The following SNX7 variants were observed in gnomAD, a reference collection of about 807,000 sequenced individuals.
The protein encoded by SNX7 is sorting nexin-7.
In SNX7, 35 loss-of-function variants were observed where a neutral mutation model predicts 48.4. That is an observed-to-expected ratio of 0.72 (90% CI 0.55 to 0.96). The LOEUF (loss-of-function observed/expected upper bound fraction) is 0.96, where lower values mean the gene tolerates loss of function less well. SNX7 is among the 40% of genes least tolerant of loss of function. SNX7 has a pLI of 0.00. For synonymous variants in SNX7, 190 were observed against 190.2 expected, an observed-to-expected ratio of 1.00 and a Z score of 0.01; for missense variants, 553 against 548.9, an observed-to-expected ratio of 1.01 and a Z score of -0.07.
intron 1 of SNX7, 57 bp downstream of exon 1, chr1:98,661,968 A>G (rs1464172038): frequency 8.1e-7 from 1 of 1,241,070 alleles, no homozygotes; most frequent in Non-Finnish European, 1.0e-6. Flanking sequence ...GGGCGTTGCC[A>G]GCATTGCGCC....
intron 1 of SNX7, among the ~76,000 whole-genome samples, chr1:98,669,517 C>T (rs1352603428): frequency 6.6e-6 from 1 of 152,210 alleles, no homozygotes; most frequent in African/African-American, 2.4e-5. Context: ...ACTCTCTTTC[C>T]TGGAGAGCCT....
At chr1:98,739,166 T>C (rs1653943473) in intron 8 of SNX7, among the ~76,000 whole-genome samples, 1 of 152,066 alleles carries the variant, frequency 6.6e-6, no homozygotes, top group Non-Finnish European at 1.5e-5. Flanking sequence ...TTAGATCCCT[T>C]ACATGCGCAG....
chr1:98,714,777 C>T (rs1008661201), intron 7 of SNX7, among the ~76,000 whole-genome samples: 1 of 152,166 alleles, frequency 6.6e-6, no homozygotes, highest in African/African-American at 2.4e-5. Context: ...AGGCGCAGCA[C>T]TATGGCATGA....
chr1:98,714,284 T>G (rs995354921), intron 7 of SNX7, among the ~76,000 whole-genome samples: 1 of 152,182 alleles, frequency 6.6e-6, no homozygotes, highest in Non-Finnish European at 1.5e-5. Context: ...GGCACTATGC[T>G]AAGCATTCAC....
At chr1:98,682,544 T>C (rs1292972404) in intron 1 of SNX7, among the ~76,000 whole-genome samples, 1 of 152,222 alleles carries the variant, frequency 6.6e-6, no homozygotes, top group East Asian at 1.9e-4. Context: ...TGCCTGGATA[T>C]GTATAATTCT....
intron 1 of SNX7, among the ~76,000 whole-genome samples, chr1:98,672,949 A>AAAAG (rs1325558656): frequency 7.2e-6 from 1 of 139,728 alleles, no homozygotes; most frequent in Non-Finnish European, 1.6e-5. Context: ...AAAAAAAAAA[A>AAAAG]AAAGAAATTA....
intron 1 of SNX7, among the ~76,000 whole-genome samples, chr1:98,668,403 A>C (rs1649659963): frequency 6.6e-6 from 1 of 152,234 alleles, no homozygotes; most frequent in Non-Finnish European, 1.5e-5. Flanking sequence ...TTGATGTCAA[A>C]AAATGGCAGA....
chr1:98,695,807 G>A (rs1419111608), intron 5 of SNX7, 91 bp downstream of exon 5: 1 of 919,288 alleles, frequency 1.1e-6, no homozygotes, highest in Admixed American at 1.9e-5. Flanking sequence ...CATTCAGTTA[G>A]AATGTCAGCT....
chr1:98,759,336 A>G (rs1655006225), intron 8 of SNX7, among the ~76,000 whole-genome samples: 1 of 152,036 alleles, frequency 6.6e-6, no homozygotes, highest in Non-Finnish European at 1.5e-5. Context: ...CTGTAGATAA[A>G]CTTCATACAG....
chr1:98,701,382 T>G (rs1358974741), intron 6 of SNX7, among the ~76,000 whole-genome samples: 2 of 152,146 alleles, frequency 1.3e-5, no homozygotes, highest in African/African-American at 4.8e-5. Flanking sequence ...TCCTTTGGAG[T>G]CAGGTAAGAA....
intron 1 of SNX7, among the ~76,000 whole-genome samples, chr1:98,676,048 C>A (rs1222631569): frequency 6.6e-6 from 1 of 151,804 alleles, no homozygotes; most frequent in Non-Finnish European, 1.5e-5. Context: ...ATATTAAACC[C>A]AACAGCAATC....
chr1:98,717,514 C>T (rs1164736699), intron 7 of SNX7, among the ~76,000 whole-genome samples: 2 of 152,082 alleles, frequency 1.3e-5, no homozygotes, highest in Non-Finnish European at 2.9e-5. Flanking sequence ...TTGCAGAAAC[C>T]GCTATATCTA....
intron 5 of SNX7, among the ~76,000 whole-genome samples, chr1:98,696,433 T>A (rs573699660): frequency 6.6e-6 from 1 of 152,104 alleles, no homozygotes; most frequent in Non-Finnish European, 1.5e-5. Flanking sequence ...GGGAAATATC[T>A]TATTTCTAGT....
chr1:98,716,677 T>G (rs1214005294), intron 7 of SNX7, among the ~76,000 whole-genome samples: 1 of 152,260 alleles, frequency 6.6e-6, no homozygotes, highest in East Asian at 1.9e-4. Flanking sequence ...GCCAGAGTTG[T>G]AACCTAACTC....
At position 98,685,955 on chromosome 1, in the gene SNX7, G is replaced by T. The variant is rs368110782; in HGVS notation, c.363+888G>T. 2.0e-5 allele frequency among the ~76,000 whole-genome samples: 3 copies of T among 152,196 alleles called. No individual in the cohort carries two copies. The East Asian group carries it at 5.8e-4, about 29-fold the overall frequency. On this transcript the variant is annotated intron_variant, in intron 2 of 8. Coordinates refer to ENST00000306121, the MANE Select transcript of SNX7 (RefSeq NM_015976.5). ...ACATATAAAGAGGCTTCTCAGTCTG[G>T]TGCCCACTTACCATATAAGACTTAT...
chr1:98,713,603 G>C (rs1398069291), intron 7 of SNX7, among the ~76,000 whole-genome samples: 1 of 152,132 alleles, frequency 6.6e-6, no homozygotes, highest in Non-Finnish European at 1.5e-5. Flanking sequence ...TCCTCACTAA[G>C]TTTAATCATT....
At chr1:98,740,666 G>T (rs746608841) in intron 8 of SNX7, among the ~76,000 whole-genome samples, 3 of 151,886 alleles carry the variant, frequency 2.0e-5, no homozygotes, top group Non-Finnish European at 2.9e-5. Context: ...CTCATTGATT[G>T]AATTCAGTTT....
chr1:98,662,611 G>A, intron 1 of SNX7: 1 of 1,142,246 alleles, frequency 8.8e-7, no homozygotes, highest in Non-Finnish European at 1.1e-6. Context: ...TGACTTGTGG[G>A]GGCTAGTGGT....
At chr1:98,724,712 TAGAG>T (rs147920665) in intron 7 of SNX7, among the ~76,000 whole-genome samples, 1,951 of 152,266 alleles carry the variant, frequency 0.013, 54 homozygotes, top group African/African-American at 0.045. Context: ...GGCTCTTTCT[TAGAG>T]AGAGAACTGA....
Sources: allele counts gnomAD v4.1 joint callset (sites outside exome capture counted in the v4.1 genomes callset), GRCh38; gene constraint gnomAD v4.1.1; transcripts MANE v1.5; gene names NCBI Gene and HGNC (gene_info 2026-07-23, HGNC 2026-07-21).